Variants in COL5A2 observed in about 807,000 individuals in gnomAD.
The protein encoded by COL5A2 is collagen alpha-2(V) chain.
COL5A2 carries 23 observed loss-of-function variants against 208.2 expected under a neutral mutation model. The observed-to-expected ratio is 0.11, with a 90% CI of 0.08 to 0.16. The LOEUF (loss-of-function observed/expected upper bound fraction) is 0.16. Ranked by LOEUF, COL5A2 falls within the 10% of genes least tolerant of loss-of-function variation. The probability of loss-of-function intolerance (pLI) is 1.00; values close to 1 mark genes in which losing one functional copy is unlikely to be tolerated. For synonymous variants in COL5A2, 625 were observed against 628.5 expected, an observed-to-expected ratio of 0.99 and a Z score of 0.08; for missense variants, 1,590 against 1,956.4, an observed-to-expected ratio of 0.81 and a Z score of 3.53.
At chr2:189,098,811 G>C (rs1686974748) in intron 4 of COL5A2, 52 bp from the exon 5 acceptor site, 1 of 1,362,646 alleles carries the variant, frequency 7.3e-7, no homozygotes. Flanking sequence ...CAGATATTCA[G>C]AGAGGTCAAT....
At chr2:189,299,465 A>C in the COL5A2 span, among the ~76,000 whole-genome samples, 4 of 152,330 alleles carry the variant, frequency 2.6e-5, no homozygotes, top group East Asian at 7.7e-4. Flanking sequence ...AAAGAAGAAG[A>C]ACTGCTGAGA....
chr2:189,191,880 T>G (rs1688936765), intron 1 of COL5A2, among the ~76,000 whole-genome samples: 1 of 151,968 alleles, frequency 6.6e-6, no homozygotes, highest in Non-Finnish European at 1.5e-5. Context: ...TCCCCACATC[T>G]TTACTCTTGT....
At chr2:189,093,866 T>C (rs895085965) in intron 6 of COL5A2, among the ~76,000 whole-genome samples, 2 of 152,180 alleles carry the variant, frequency 1.3e-5, no homozygotes, top group Non-Finnish European at 2.9e-5. Flanking sequence ...GACAAAATAA[T>C]AGTCTGGTTT....
At chr2:189,068,197 G>A in intron 20 of COL5A2, 29 bp downstream of exon 20, 1 of 1,612,022 alleles carries the variant, frequency 6.2e-7, no homozygotes. Flanking sequence ...GCCCATTTGA[G>A]CTTCACATGC....
At chr2:189,239,895 C>T in the COL5A2 span, among the ~76,000 whole-genome samples, 11 of 152,060 alleles carry the variant, frequency 7.2e-5, no homozygotes, top group African/African-American at 2.7e-4. Context: ...CCAGAAGGAA[C>T]AAAGCCTGCT....
intron 1 of COL5A2, among the ~76,000 whole-genome samples, chr2:189,119,623 C>T (rs187793014): frequency 3.6e-4 from 55 of 151,932 alleles, no homozygotes; most frequent in East Asian, 2.7e-3. Flanking sequence ...ATGGTGACTA[C>T]GAATAAAATA....
At chr2:189,110,035 GA>G (rs1194981726) in intron 2 of COL5A2, among the ~76,000 whole-genome samples, 189 bp downstream of exon 2, 2 of 152,140 alleles carry the variant, frequency 1.3e-5, no homozygotes, top group Non-Finnish European at 2.9e-5. Flanking sequence ...AAGAAGACAG[GA>G]AATTACTGTC....
At chr2:189,061,184 G>A (rs1021323474) in intron 30 of COL5A2, among the ~76,000 whole-genome samples, 1 of 152,044 alleles carries the variant, frequency 6.6e-6, no homozygotes, top group Non-Finnish European at 1.5e-5. Flanking sequence ...ACTGATATAT[G>A]TAGATAAATT....
intron 7 of COL5A2, among the ~76,000 whole-genome samples, chr2:189,089,160 T>C (rs1686729576): frequency 6.6e-6 from 1 of 152,238 alleles, no homozygotes. Context: ...AAAGATGCCT[T>C]TAAAACATTT....
the COL5A2 span, among the ~76,000 whole-genome samples, chr2:189,437,727 A>AT: frequency 6.6e-6 from 1 of 152,200 alleles, no homozygotes; most frequent in Non-Finnish European, 1.5e-5. Context: ...CTAAGAAGAG[A>AT]TAAAAATTGC....
At chr2:189,038,457 G>A (rs1445884244) in intron 51 of COL5A2, among the ~76,000 whole-genome samples, 1 of 152,040 alleles carries the variant, frequency 6.6e-6, no homozygotes, top group Admixed American at 6.5e-5. Flanking sequence ...TCAATTTCAT[G>A]TCTTTGCTAC....
At chr2:189,122,507 C>A (rs924292072) in intron 1 of COL5A2, among the ~76,000 whole-genome samples, 5 of 152,122 alleles carry the variant, frequency 3.3e-5, no homozygotes, top group African/African-American at 1.2e-4. Context: ...GATACCTCTT[C>A]CACTAGGAAA....
Position 189,172,162 on chromosome 2 carries a change from A to G in COL5A2, c.97+7346T>C, listed in dbSNP as rs537717114. Among the ~76,000 whole-genome samples, 4 of 152,344 alleles carry G rather than the reference A, an allele frequency of 2.6e-5. No homozygotes were observed. In the East Asian group the frequency reaches 7.7e-4, roughly 29 times the overall value. On this transcript the variant is annotated intron_variant, in intron 1 of 53. Coordinates refer to ENST00000374866, the MANE Select transcript of COL5A2 (RefSeq NM_000393.5). ...CTTTTAAAGCAGCTGGGCTAAGAAT[A>G]AAGACTGGGTGGGAGCTAGACACAG... is the stretch of plus-strand genomic sequence containing the variant.
chr2:189,292,975 A>G, the COL5A2 span, among the ~76,000 whole-genome samples: 2 of 152,118 alleles, frequency 1.3e-5, no homozygotes, highest in South Asian at 4.1e-4. Flanking sequence ...GAAACTAGAA[A>G]TCATCATTCT....
At chr2:189,430,064 CAAAG>C in the COL5A2 span, among the ~76,000 whole-genome samples, 1 of 152,132 alleles carries the variant, frequency 6.6e-6, no homozygotes, top group Non-Finnish European at 1.5e-5. Context: ...AAGTTGCTCT[CAAAG>C]AAGTAAAACA....
chr2:189,051,550 G>A (rs1159603621), intron 41 of COL5A2, 69 bp from the exon 42 acceptor site: 6 of 1,413,004 alleles, frequency 4.2e-6, no homozygotes, highest in East Asian at 4.9e-5. Context: ...TTGACATAAC[G>A]CTGTCTGCCT....
the COL5A2 span, among the ~76,000 whole-genome samples, chr2:189,352,194 T>C: frequency 6.6e-6 from 1 of 152,204 alleles, no homozygotes; most frequent in Non-Finnish European, 1.5e-5. Context: ...CCTTACCCAG[T>C]CTAAAACTGA....
upstream of COL5A2, among the ~76,000 whole-genome samples, chr2:189,182,222 G>C (rs1189297056): frequency 2.0e-5 from 3 of 152,118 alleles, no homozygotes. Context: ...CTGCAGTGGG[G>C]TACTCAGAAA....
At chr2:189,083,600 T>C (rs1230851012) in intron 12 of COL5A2, among the ~76,000 whole-genome samples, 2 of 152,034 alleles carry the variant, frequency 1.3e-5, no homozygotes, top group Admixed American at 1.3e-4. Flanking sequence ...GTAAAAATAT[T>C]AAAAAGATTT....
Sources: allele counts gnomAD v4.1 joint callset (sites outside exome capture counted in the v4.1 genomes callset), GRCh38; gene constraint gnomAD v4.1.1; transcripts MANE v1.5; gene names NCBI Gene and HGNC (gene_info 2026-07-23, HGNC 2026-07-21).